Variants in PPFIBP2 observed in about 807,000 individuals in gnomAD.
PPFIBP2 encodes the protein liprin-beta-2.
Under a neutral mutation model 118.3 loss-of-function variants are expected in PPFIBP2, and 118 were observed. The observed-to-expected ratio is 1.00, with a 90% CI of 0.86 to 1.16. The LOEUF is 1.16. PPFIBP2 is among the 50% of genes most tolerant of loss of function. The pLI, the probability that PPFIBP2 is intolerant of heterozygous loss-of-function variation, is 0.00. For synonymous variants in PPFIBP2, 414 were observed against 397.4 expected, an observed-to-expected ratio of 1.04 and a Z score of -0.50; for missense variants, 1,195 against 1,073.1, an observed-to-expected ratio of 1.11 and a Z score of -1.59.
chr11:7,602,087 CAA>C (rs201003988), intron 5 of PPFIBP2, among the ~76,000 whole-genome samples: 18 of 56,204 alleles, frequency 3.2e-4, no homozygotes, highest in East Asian at 2.6e-3. Flanking sequence ...GAATGAAACT[CAA>C]AAAAAAAAAA....
intron 7 of PPFIBP2, among the ~76,000 whole-genome samples, chr11:7,621,307 G>A (rs1044542876): frequency 2.6e-5 from 4 of 152,144 alleles, no homozygotes; most frequent in Non-Finnish European, 4.4e-5. Context: ...GCCAAGAAGG[G>A]GCTAGGAGTG....
At chr11:7,557,062 G>C (rs1236397461) in intron 2 of PPFIBP2, among the ~76,000 whole-genome samples, 1 of 152,184 alleles carries the variant, frequency 6.6e-6, no homozygotes, top group Non-Finnish European at 1.5e-5. Flanking sequence ...AATTCCTGAA[G>C]AATTGTGTTG....
At chr11:7,622,497 C>T (rs981729015) in intron 7 of PPFIBP2, among the ~76,000 whole-genome samples, 3 of 152,140 alleles carry the variant, frequency 2.0e-5, no homozygotes, top group African/African-American at 7.2e-5. Flanking sequence ...CATGCTGTTA[C>T]TTAAAATTTT....
chr11:7,514,708 C>T lies in PPFIBP2; in HGVS notation c.-37+587C>T, dbSNP rs144361867. On this transcript the variant is annotated intron_variant, in intron 1 of 23. Coordinates refer to ENST00000299492, the MANE Select transcript of PPFIBP2 (RefSeq NM_003621.5). ...ACGGTCCTATTTAAAAGTGGGCTCCCTCCTCACCTCATCACATCAGATTCC... is the reference window on the plus strand; with the variant it reads ...ACGGTCCTATTTAAAAGTGGGCTCCTTCCTCACCTCATCACATCAGATTCC... Among the ~76,000 whole-genome samples the T allele has an allele frequency of 4.2e-3, 647 of 152,328 alleles. 6 individuals are homozygous for T. The highest frequency in any genetic ancestry group is 0.015 in the African/African-American group (609 of 41,566).
At position 7,549,425 on chromosome 11, in the gene PPFIBP2, T is replaced by A; in HGVS notation, c.-36-15T>A. On this transcript the variant is annotated splice_polypyrimidine_tract_variant and intron_variant, in intron 1 of 23. Transcript: ENST00000299492. ...TCTCTGTAATTTTTCCTTTGTTCTG[T>A]ATTTGAATTTTCAGTAAGAAGAGGA... 2 of 1,549,844 alleles carry A rather than the reference T, an allele frequency of 1.3e-6. No individual in the cohort carries two copies. The highest frequency in any genetic ancestry group is 1.7e-6 in the Non-Finnish European group (2 of 1,145,300).
chr11:7,656,132 T>C (rs1854664028), downstream of PPFIBP2, among the ~76,000 whole-genome samples: 3 of 152,118 alleles, frequency 2.0e-5, no homozygotes, highest in African/African-American at 2.4e-5. Flanking sequence ...GCTAATGACA[T>C]CCTCCTTGCC....
At chr11:7,597,225 A>G (rs1860498220) in intron 4 of PPFIBP2, 1 of 1,512,586 alleles carries the variant, frequency 6.6e-7, no homozygotes, top group Admixed American at 2.0e-5. Flanking sequence ...ATGTGCCTTG[A>G]GGTCGGGGCT....
Position 7,597,352 on chromosome 11 carries a change from G to C in PPFIBP2, c.373-208G>C, listed in dbSNP as rs980455218. On this transcript the variant is annotated intron_variant, in intron 4 of 23. Coordinates refer to ENST00000299492, the MANE Select transcript of PPFIBP2 (RefSeq NM_003621.5). ...AAACGTGACCCATGTCATCAGAGCA[G>C]TGGCCGAGACTCCCTGGTAAGGTAA... is the stretch of plus-strand genomic sequence containing the variant. 5.9e-6 allele frequency: 9 copies of C among 1,535,654 alleles called. No individual in the cohort carries two copies. In the African/African-American group the frequency reaches 1.2e-4, roughly 21 times the overall value.
chr11:7,547,732 C>T (rs1796693501), intron 1 of PPFIBP2, among the ~76,000 whole-genome samples: 1 of 152,182 alleles, frequency 6.6e-6, no homozygotes, highest in African/African-American at 2.4e-5. Context: ...AGTTCCCCGA[C>T]ACCCTGTGAG....
Position 7,648,924 on chromosome 11 carries a change from A to G in PPFIBP2, c.1909+13A>G, listed in dbSNP as rs1434663484. On this transcript the variant is annotated intron_variant, in intron 19 of 23. Coordinates refer to ENST00000299492, the MANE Select transcript of PPFIBP2 (RefSeq NM_003621.5). ...ATTTGGGTGACAAGTAAGGATAGGC[A>G]TATATGTATTAAGAATGTCTCTGGC... is the stretch of plus-strand genomic sequence containing the variant. 2 of 1,600,374 alleles carry G rather than the reference A, an allele frequency of 1.2e-6. No homozygotes were observed. The highest frequency in any genetic ancestry group is 2.2e-5 in the South Asian group (2 of 90,752).
chr11:7,629,495 C>A lies in PPFIBP2; in HGVS notation c.925C>A (p.Gln309Lys), dbSNP rs746828240. The change falls in exon 10 of 24, where the codon CAG becomes AAG. Residue 309 changes from glutamine to lysine, a missense_variant. Gln to Lys is a moderately conservative substitution (Grantham distance 53). Coordinates refer to ENST00000299492, the MANE Select transcript of PPFIBP2 (RefSeq NM_003621.5). ...AGAGGAGCTTACGGGGCTGTTAAAC[C>A]AGTACCGGAAGGTAAAGGAGATTGT... The part of the protein sequence containing the change: ...RIEELTGLLN[Q>K]YRKVKEIVMV... The A allele has an allele frequency of 6.2e-7, 1 of 1,614,114 alleles. No individual in the cohort carries two copies. Among genetic ancestry groups the A allele is most frequent in the Non-Finnish European group, 8.5e-7 (1 of 1,179,992 alleles).
rs1012983181 is a variant in PPFIBP2 at position 7,529,916 on chromosome 11, T to C, written c.-37+15795T>C. On this transcript the variant is annotated intron_variant, in intron 1 of 23. Coordinates refer to ENST00000299492, the MANE Select transcript of PPFIBP2 (RefSeq NM_003621.5). ...CCTAACCTTGCCCTGTTTTGTCAGGTACTGCTAGAGAGACGCAGAAAACCT... is the reference window on the plus strand; with the variant it reads ...CCTAACCTTGCCCTGTTTTGTCAGGCACTGCTAGAGAGACGCAGAAAACCT... Among the ~76,000 whole-genome samples the C allele has an allele frequency of 2.6e-5, 4 of 152,364 alleles. No individual in the cohort carries two copies. The South Asian group carries it at 8.3e-4, about 32-fold the overall frequency.
At chr11:7,594,608 C>T (rs1378647374) in intron 4 of PPFIBP2, among the ~76,000 whole-genome samples, 1 of 150,932 alleles carries the variant, frequency 6.6e-6, no homozygotes, top group African/African-American at 2.5e-5. Flanking sequence ...ATGGTGAAAC[C>T]CTGTCTCTAC....
intron 8 of PPFIBP2, among the ~76,000 whole-genome samples, chr11:7,626,974 T>C (rs1850102042): frequency 6.6e-6 from 1 of 152,210 alleles, no homozygotes; most frequent in African/African-American, 2.4e-5. Flanking sequence ...CCACTGGGTG[T>C]GTTGCCTACC....
At chr11:7,638,753 T>C (rs1046129606) in intron 14 of PPFIBP2, among the ~76,000 whole-genome samples, 1 of 152,236 alleles carries the variant, frequency 6.6e-6, no homozygotes, top group Admixed American at 6.5e-5. Context: ...CACATTCCAC[T>C]GTGTTTCTCT....
intron 5 of PPFIBP2, chr11:7,606,159 T>C: frequency 2.0e-6 from 2 of 990,476 alleles, no homozygotes. Context: ...AAATACTGGC[T>C]TGGAAGCAGC....
intron 5 of PPFIBP2, chr11:7,605,788 T>G: frequency 7.2e-7 from 1 of 1,386,412 alleles, no homozygotes; most frequent in Non-Finnish European, 9.3e-7. Flanking sequence ...GGTCAGAAGA[T>G]TGTGGCCAGA....
chr11:7,541,925 T>C (rs1027188030), intron 1 of PPFIBP2, among the ~76,000 whole-genome samples: 1 of 152,212 alleles, frequency 6.6e-6, no homozygotes, highest in Non-Finnish European at 1.5e-5. Context: ...AGTTTATCAG[T>C]AAATCTTATG....
chr11:7,577,288 C>T, intron 3 of PPFIBP2: 1 of 210,444 alleles, frequency 4.8e-6, no homozygotes, highest in Non-Finnish European at 9.8e-6. Context: ...GCTCTGAATC[C>T]CAGTCCTGGT....
Sources: allele counts gnomAD v4.1 joint callset (sites outside exome capture counted in the v4.1 genomes callset), GRCh38; gene constraint gnomAD v4.1.1; transcripts MANE v1.5; gene names NCBI Gene and HGNC (gene_info 2026-07-23, HGNC 2026-07-21).